Variants in SLCO1A2 observed in about 807,000 individuals in gnomAD.
SLCO1A2 encodes the protein solute carrier organic anion transporter family member 1A2.
Under a neutral mutation model 69.0 loss-of-function variants are expected in SLCO1A2, and 67 were observed. The ratio of observed to expected loss-of-function variants is 0.97; its 90% confidence interval spans 0.80 to 1.19. The LOEUF (loss-of-function observed/expected upper bound fraction) is 1.19, where lower values mean the gene tolerates loss of function less well. Among genes scored for constraint, SLCO1A2 ranks in the 50% most tolerant of loss-of-function variants. The pLI, the probability that SLCO1A2 is intolerant of heterozygous loss-of-function variation, is 0.00. For missense variants in SLCO1A2, 787 were observed against 793.7 expected, an observed-to-expected ratio of 0.99 and a Z score of 0.10; for synonymous variants, 260 against 265.9, an observed-to-expected ratio of 0.98 and a Z score of 0.22.
At chr12:21,323,778 CA>C (rs1951937566) in intron 2 of SLCO1A2, among the ~76,000 whole-genome samples, 1 of 152,052 alleles carries the variant, frequency 6.6e-6, no homozygotes, top group Non-Finnish European at 1.5e-5. Flanking sequence ...GCTCAGAGGG[CA>C]AAAAACTTTG....
chr12:21,346,025 GAATA>G (rs1458040266), intron 2 of SLCO1A2, among the ~76,000 whole-genome samples: 2 of 151,404 alleles, frequency 1.3e-5, no homozygotes, highest in African/African-American at 2.4e-5. Flanking sequence ...TAATCAAGAA[GAATA>G]AATTAATGAA....
At chr12:21,362,674 G>A (rs12308945) in intron 2 of SLCO1A2, among the ~76,000 whole-genome samples, 21,339 of 151,976 alleles carry the variant, frequency 0.14, 1,616 homozygotes, top group Middle Eastern at 0.21. Flanking sequence ...GCAGAGACAC[G>A]CATAGGCTCA....
intron 1 of SLCO1A2, chr12:21,379,089 A>G: frequency 6.6e-6 from 1 of 152,136 alleles, no homozygotes. Context: ...AAAGAAAGAA[A>G]ATTAGTAATT....
intron 2 of SLCO1A2, chr12:21,319,513 A>C: frequency 7.6e-7 from 1 of 1,323,676 alleles, no homozygotes; most frequent in Non-Finnish European, 1.0e-6. Context: ...GCAACCCTTG[A>C]GCTCAGCAAT....
intron 1 of SLCO1A2, among the ~76,000 whole-genome samples, chr12:21,415,018 T>A (rs1941967598): frequency 6.6e-6 from 1 of 152,122 alleles, no homozygotes; most frequent in South Asian, 2.1e-4. Context: ...ATATTTTTAC[T>A]TTTGATCTTT....
At chr12:21,418,374 C>A (rs984646260), upstream of SLCO1A2, among the ~76,000 whole-genome samples, 1 of 152,084 alleles carries the variant, frequency 6.6e-6, no homozygotes, top group African/African-American at 2.4e-5. Context: ...TGTTAGAAAC[C>A]TCAGGCACAG....
intron 12 of SLCO1A2, 88 bp downstream of exon 12, chr12:21,292,076 A>T: frequency 2.3e-6 from 2 of 868,142 alleles, no homozygotes; most frequent in Non-Finnish European, 3.4e-6. Flanking sequence ...CTGAGTTCTT[A>T]GATACTGAGT....
At chr12:21,382,440 C>T (rs114415110) in intron 1 of SLCO1A2, among the ~76,000 whole-genome samples, 10,493 of 152,036 alleles carry the variant, frequency 0.069, 405 homozygotes, top group African/African-American at 0.11. Context: ...TATAATTCAT[C>T]GGTGTAACCA....
At chr12:21,368,203 C>T (rs1939529665) in intron 2 of SLCO1A2, among the ~76,000 whole-genome samples, 2 of 151,996 alleles carry the variant, frequency 1.3e-5, no homozygotes, top group Non-Finnish European at 1.5e-5. Flanking sequence ...CATATTCTTA[C>T]CAAAATAATG....
intron 8 of SLCO1A2, among the ~76,000 whole-genome samples, chr12:21,299,840 GTATATATATACGTGTA>G (rs1256543069): frequency 2.2e-5 from 3 of 134,410 alleles, no homozygotes; most frequent in African/African-American, 5.8e-5. Context: ...ACATATATGT[GTATATATATACGTGTA>G]TATATATATA....
intron 2 of SLCO1A2, among the ~76,000 whole-genome samples, chr12:21,371,732 G>A (rs1208467668): frequency 6.6e-6 from 1 of 152,160 alleles, no homozygotes; most frequent in African/African-American, 2.4e-5. Flanking sequence ...GATGGGTGCG[G>A]TGGCTGACGC....
At chr12:21,306,802 A>G (rs554453250) in intron 5 of SLCO1A2, 80 bp downstream of exon 5, 7 of 847,008 alleles carry the variant, frequency 8.3e-6, no homozygotes, top group Non-Finnish European at 1.2e-5. Context: ...AACTCAATCA[A>G]TATCTCATTC....
intron 2 of SLCO1A2, among the ~76,000 whole-genome samples, chr12:21,364,197 C>T (rs962967914): frequency 2.0e-5 from 3 of 152,158 alleles, no homozygotes; most frequent in African/African-American, 7.2e-5. Flanking sequence ...AGCTTATCCA[C>T]CATGATCAAG....
chr12:21,392,870 ACC>A (rs1941231011), intron 1 of SLCO1A2, among the ~76,000 whole-genome samples: 13 of 152,162 alleles, frequency 8.5e-5, no homozygotes, highest in Admixed American at 8.5e-4. Flanking sequence ...TGAAAAGCCA[ACC>A]TCTCTGAAAA....
Position 21,318,917 on chromosome 12 carries a change from G to A in SLCO1A2, c.67C>T (p.Leu23=), listed in dbSNP as rs781235519. ...ACAAATGCACATGTTATTGCCAACAGAAACATCTAGGAAAAAAATATAAGA... is the reference window on the plus strand; with the variant it reads ...ACAAATGCACATGTTATTGCCAACAAAAACATCTAGGAAAAAAATATAAGA... ...IRCLSKLKMF[L]LAITCAFVSK... The change falls in exon 3 of 15, where the codon CTG becomes TTG. Residue 23 remains leucine, a synonymous_variant. Transcript: ENST00000683939. 78 of 1,576,578 alleles carry A rather than the reference G, an allele frequency of 4.9e-5. No individual in the cohort carries two copies. Among genetic ancestry groups the A allele is most frequent in the Non-Finnish European group, 6.5e-5 (76 of 1,168,182 alleles).
intron 12 of SLCO1A2, among the ~76,000 whole-genome samples, chr12:21,276,051 C>T (rs1943768265): frequency 2.0e-5 from 3 of 151,722 alleles, no homozygotes; most frequent in African/African-American, 7.3e-5. Flanking sequence ...TAGAAAAGAA[C>T]AAGAATACTC....
At chr12:21,397,368 TA>T (rs1219191911), upstream of SLCO1A2, among the ~76,000 whole-genome samples, 1 of 152,038 alleles carries the variant, frequency 6.6e-6, no homozygotes, top group Non-Finnish European at 1.5e-5. Context: ...CCAAGATTCA[TA>T]AAGCAAGTCC....
intron 13 of SLCO1A2, chr12:21,274,920 A>C (rs902226161): frequency 4.7e-6 from 5 of 1,054,164 alleles, no homozygotes; most frequent in Admixed American, 4.9e-5. Flanking sequence ...TTATTTTCAA[A>C]TCTTCAAACA....
In SLCO1A2 at chr12:21,269,657, G is replaced by A. The variant is rs753630199; in HGVS notation, c.1904C>T (p.Ser635Leu). Reference sequence around the variant, plus strand: ...TTTTGTCTCTATAAGCTCTGTTCCTGAAGAGGCATTTTCACCAGGTAGATG... The same window carrying A: ...TTTTGTCTCTATAAGCTCTGTTCCTAAAGAGGCATTTTCACCAGGTAGATG... Reference protein sequence around the residue: ...KCHLPGENASSGTELIETKVK... With the variant: ...KCHLPGENASLGTELIETKVK... Residue 635 changes from serine (S) to leucine (L), a missense_variant, in exon 15 of 15, where the codon TCA (serine) becomes TTA (leucine). Ser to Leu is a moderately radical substitution (Grantham distance 145). Coordinates refer to ENST00000683939, the MANE Select transcript of SLCO1A2 (RefSeq NM_001386879.1). 3.6e-5 allele frequency: 58 copies of A among 1,612,460 alleles called. No individual in the cohort carries two copies. Among genetic ancestry groups the A allele is most frequent in the Non-Finnish European group, 4.7e-5 (56 of 1,179,060 alleles).
Sources: allele counts gnomAD v4.1 joint callset (sites outside exome capture counted in the v4.1 genomes callset), GRCh38; gene constraint gnomAD v4.1.1; transcripts MANE v1.5; gene names NCBI Gene and HGNC (gene_info 2026-07-23, HGNC 2026-07-21).